Variants in TGFA observed in about 807,000 individuals in gnomAD.
The protein encoded by TGFA is protransforming growth factor alpha.
In TGFA, 12 loss-of-function variants were observed where a neutral mutation model predicts 21.7. The ratio of observed to expected loss-of-function variants is 0.55; its 90% CI spans 0.35 to 0.90. The LOEUF is 0.90. Among genes scored for constraint, TGFA ranks in the 40% least tolerant of loss-of-function variants. TGFA has a pLI of 0.01. For synonymous variants in TGFA, 79 were observed against 88.1 expected (o/e 0.90, Z 0.58); for missense variants, 178 against 210.8 (o/e 0.84, Z 0.96).
intron 2 of TGFA, among the ~76,000 whole-genome samples, chr2:70,489,293 C>T (rs1184346022): frequency 6.6e-6 from 1 of 152,242 alleles, no homozygotes; most frequent in Non-Finnish European, 1.5e-5. Flanking sequence ...CTTCGCTCAA[C>T]CTGGAGTTTC....
intron 2 of TGFA, among the ~76,000 whole-genome samples, chr2:70,496,848 G>A (rs1413162871): frequency 6.6e-6 from 1 of 152,166 alleles, no homozygotes; most frequent in African/African-American, 2.4e-5. Flanking sequence ...AAGTCTAATG[G>A]GGGAGGCAGG....
At chr2:70,531,026 G>A (rs534856509) in intron 1 of TGFA, among the ~76,000 whole-genome samples, 4 of 152,302 alleles carry the variant, frequency 2.6e-5, no homozygotes, top group Non-Finnish European at 5.9e-5. Context: ...ACTGAAGTGG[G>A]TGTGATGATG....
chr2:70,473,117 G>T (rs1379623191), intron 2 of TGFA, among the ~76,000 whole-genome samples: 1 of 152,152 alleles, frequency 6.6e-6, no homozygotes, highest in Non-Finnish European at 1.5e-5. Flanking sequence ...GGCCAGGCTG[G>T]AGTCACCCAA....
At chr2:70,460,722 A>G (rs541240366) in intron 3 of TGFA, among the ~76,000 whole-genome samples, 2 of 152,266 alleles carry the variant, frequency 1.3e-5, no homozygotes, top group South Asian at 4.1e-4. Flanking sequence ...CCCTACTTAC[A>G]TACTCCTTCC....
At chr2:70,495,397 G>A (rs115099329) in intron 2 of TGFA, among the ~76,000 whole-genome samples, 4 of 152,152 alleles carry the variant, frequency 2.6e-5, no homozygotes, top group Non-Finnish European at 5.9e-5. Flanking sequence ...GTGCCTTAAA[G>A]GTGAACTTTA....
intron 3 of TGFA, among the ~76,000 whole-genome samples, chr2:70,460,520 T>TC (rs1198888498): frequency 2.6e-5 from 4 of 152,180 alleles, no homozygotes; most frequent in Non-Finnish European, 5.9e-5. Context: ...TGCTGTTCTC[T>TC]CCTTTGCCTC....
intron 2 of TGFA, among the ~76,000 whole-genome samples, chr2:70,484,022 C>T (rs1671202097): frequency 6.6e-6 from 1 of 152,184 alleles, no homozygotes; most frequent in African/African-American, 2.4e-5. Flanking sequence ...GGCCTTATTC[C>T]CTTGTAGAAT....
chr2:70,500,405 A>T (rs1295359213), intron 2 of TGFA, among the ~76,000 whole-genome samples: 2 of 152,036 alleles, frequency 1.3e-5, no homozygotes, highest in African/African-American at 2.4e-5. Flanking sequence ...CCCAAACAAC[A>T]TCCTGGTTCA....
At position 70,476,980 on chromosome 2, in the gene TGFA, C is replaced by G. The variant is rs147979780; in HGVS notation, c.95-11244G>C. On this transcript the variant is annotated intron_variant, in intron 2 of 5. Coordinates refer to ENST00000295400, the MANE Select transcript of TGFA (RefSeq NM_003236.4). The stretch of plus-strand genomic sequence containing the variant: ...GATGTAAGAGAGTGGTCGAATTATA[C>G]GCAATTATTTTTTTTTATAAATTTT... Among the ~76,000 whole-genome samples the G allele has an allele frequency of 6.7e-3, 1,024 of 151,968 alleles. 9 individuals carry two copies. The highest frequency in any genetic ancestry group is 0.024 in the African/African-American group (975 of 41,352).
In TGFA at chr2:70,448,472, A is replaced by G. The variant is rs975320545; in HGVS notation, c.*2387T>C. 2 of 152,234 alleles carry G rather than the reference A, an allele frequency of 1.3e-5. No individual in the cohort carries two copies. The highest frequency in any genetic ancestry group is 4.8e-5 in the African/African-American group (2 of 41,466). 9.4% of individuals were successfully genotyped at this position (152,234 alleles called of 1,614,324 possible). ...TTCATTTTCTAAAGGGCAAGGAAAC[A>G]CAGGGAGCTTGCAGAGATGGATTAG... On this transcript the variant is annotated 3_prime_UTR_variant, in exon 6 of 6. Coordinates refer to ENST00000295400, the MANE Select transcript of TGFA (RefSeq NM_003236.4).
chr2:70,474,311 T>C (rs532248078), intron 2 of TGFA, among the ~76,000 whole-genome samples: 1 of 152,344 alleles, frequency 6.6e-6, no homozygotes, highest in Admixed American at 6.5e-5. Context: ...TTGATCTCAG[T>C]TTTCTCTGAT....
intron 2 of TGFA, among the ~76,000 whole-genome samples, chr2:70,505,992 G>C (rs1671912516): frequency 6.6e-6 from 1 of 152,196 alleles, no homozygotes; most frequent in African/African-American, 2.4e-5. Flanking sequence ...GATTAAAATA[G>C]CTGCAGGTCT....
At chr2:70,491,564 T>C (rs1170412948) in intron 2 of TGFA, among the ~76,000 whole-genome samples, 3 of 152,212 alleles carry the variant, frequency 2.0e-5, no homozygotes, top group Admixed American at 6.5e-5. Flanking sequence ...CTTTATCTTT[T>C]TGAAAATTCA....
At chr2:70,551,211 C>T (rs1162097924) in intron 1 of TGFA, among the ~76,000 whole-genome samples, 1 of 152,160 alleles carries the variant, frequency 6.6e-6, no homozygotes, top group African/African-American at 2.4e-5. Context: ...AAGTAACTTG[C>T]CCAAGATCAC....
intron 1 of TGFA, among the ~76,000 whole-genome samples, chr2:70,537,262 C>G (rs72910098): frequency 6.6e-6 from 1 of 152,090 alleles, no homozygotes; most frequent in African/African-American, 2.4e-5. Flanking sequence ...CCATCTCTCT[C>G]CTTCTCCTCA....
intron 1 of TGFA, among the ~76,000 whole-genome samples, chr2:70,541,971 G>A (rs1286771653): frequency 6.6e-6 from 1 of 152,106 alleles, no homozygotes. Flanking sequence ...ATCCTCCACT[G>A]CAAAACTTAA....
chr2:70,464,735 C>G (rs1553491917), intron 3 of TGFA, among the ~76,000 whole-genome samples: 1 of 152,226 alleles, frequency 6.6e-6, no homozygotes, highest in Admixed American at 6.5e-5. Context: ...CTTCCATTGC[C>G]TAAAGAATAA....
At chr2:70,541,116 A>G (rs1345853562) in intron 1 of TGFA, among the ~76,000 whole-genome samples, 1 of 152,250 alleles carries the variant, frequency 6.6e-6, no homozygotes, top group Admixed American at 6.5e-5. Context: ...TGATTCATCC[A>G]TAGAAAATAA....
At chr2:70,471,867 G>A (rs1574080551) in intron 2 of TGFA, among the ~76,000 whole-genome samples, 1 of 152,122 alleles carries the variant, frequency 6.6e-6, no homozygotes, top group Middle Eastern at 3.4e-3. Flanking sequence ...CCTCCTTGGG[G>A]GGCAAAACTG....
Sources: gnomAD v4.1 joint callset for allele counts (sites outside exome capture counted in the v4.1 genomes callset) on GRCh38, gnomAD v4.1.1 for gene constraint, MANE v1.5 for transcripts, NCBI Gene and HGNC (gene_info 2026-07-23, HGNC 2026-07-21) for gene names.